ECE1: variants seen among roughly 807,000 people sequenced by gnomAD.
ECE1 encodes the protein endothelin-converting enzyme 1.
Under a neutral mutation model 98.6 loss-of-function variants are expected in ECE1, and 35 were observed. The ratio of observed to expected loss-of-function variants is 0.35; its 90% confidence interval spans 0.27 to 0.47. ECE1 has a LOEUF of 0.47. Among genes scored for constraint, ECE1 ranks in the 20% least tolerant of loss-of-function variants. The pLI is 1.00. For synonymous variants in ECE1, 394 were observed against 407.1 expected, an observed-to-expected ratio of 0.97 and a Z score of 0.39; for missense variants, 814 against 1,025.3, an observed-to-expected ratio of 0.79 and a Z score of 2.81.
At position 21,345,487 on chromosome 1, in the gene ECE1, G is replaced by C. The variant is rs980757518; in HGVS notation, c.-109C>G. 4 of 1,054,712 alleles carry C rather than the reference G, an allele frequency of 3.8e-6. No individual in the cohort carries two copies. Among genetic ancestry groups the C allele is most frequent in the African/African-American group, 3.3e-5 (2 of 60,020 alleles). The allele number at this position is 1,054,712 out of a possible 1,614,324, so 65.3% of individuals were successfully genotyped here. On this transcript the variant is annotated 5_prime_UTR_variant, in exon 1 of 19. Coordinates refer to the ECE1 transcript ENST00000415912. The surrounding 1 kb of genome is among the most constrained non-coding windows in gnomAD (Gnocchi z 5.1). Reference sequence around the variant, plus strand: ...AGCTGCTCGGACGGCTCGGCTGCCTGGCCCAGGCGGCGCGCTCAGCTCCAG... The same window carrying C: ...AGCTGCTCGGACGGCTCGGCTGCCTCGCCCAGGCGGCGCGCTCAGCTCCAG...
At chr1:21,242,088 C>A (rs928957647) in intron 10 of ECE1, among the ~76,000 whole-genome samples, 1 of 152,172 alleles carries the variant, frequency 6.6e-6, no homozygotes, top group African/African-American at 2.4e-5. Context: ...CTGCATGCAG[C>A]GCTTGAGCAG....
At position 21,260,500 on chromosome 1, in the gene ECE1, T is replaced by A. The variant is rs1179944677; in HGVS notation, c.494-108A>T. 11 of 1,365,258 alleles carry A rather than the reference T, an allele frequency of 8.1e-6. No individual in the cohort carries two copies. Among genetic ancestry groups the A allele is most frequent in the East Asian group, 4.6e-5 (2 of 43,680 alleles). The allele number at this position is 1,365,258 out of a possible 1,614,324, so 84.6% of individuals were successfully genotyped here. ...TTGGTGTTCTCAGCTGCAAAGGAGC[T>A]CTGACATCTGCCTGTCGGAGTGGCA... On this transcript the variant is annotated intron_variant, in intron 4 of 18. Coordinates refer to ENST00000374893, the MANE Select transcript of ECE1 (RefSeq NM_001397.3). This position sits in a 1 kb window ranked among gnomAD's most constrained non-coding sequence, Gnocchi z 4.3.
rs558826269 is a variant in ECE1 at position 21,227,843 on chromosome 1, T to A, written c.1781+88A>T. 2,824 of 1,059,084 alleles carry A rather than the reference T, an allele frequency of 2.7e-3. 12 individuals carry two copies. Among genetic ancestry groups the A allele is most frequent in the Admixed American group, 4.1e-3 (177 of 42,654 alleles). 65.6% of individuals were successfully genotyped at this position (1,059,084 alleles called of 1,614,324 possible). On this transcript the variant is annotated intron_variant, in intron 15 of 18. Transcript: ENST00000374893. ...GCAACCTGAAGCACTGGGGCAAAGA[T>A]CACATGGTGAGACTGGCTTAGGTCG...
rs548695494 is a variant in ECE1 at position 21,344,107 on chromosome 1, G to C, written c.3+1269C>G. The stretch of plus-strand genomic sequence containing the variant: ...ATTCCACCACTTCTGACTCTAGTGA[G>C]GCAACTGGCGGTGCCTAAGCAAAGA... On this transcript the variant is annotated intron_variant, in intron 1 of 18. Transcript: ENST00000415912. 7.2e-5 allele frequency among the ~76,000 whole-genome samples: 11 copies of C among 152,288 alleles called. No individual in the cohort carries two copies. In the South Asian group the frequency reaches 2.3e-3, roughly 32 times the overall value.
rs2103420789 is a variant in ECE1 at position 21,340,838 on chromosome 1, TA to T, written c.3+4537del. On this transcript the variant is annotated intron_variant, in intron 1 of 18. Transcript: ENST00000415912. This position sits in a 1 kb window ranked among gnomAD's most constrained non-coding sequence, Gnocchi z 4.6. Reference sequence around the variant, plus strand: ...CAGAGCAAGACTATGTCTCAATAAATAAGTAAATTAATTAAATTTAAAAAAT... The same window carrying T: ...CAGAGCAAGACTATGTCTCAATAAATAGTAAATTAATTAAATTTAAAAAAT... Among the ~76,000 whole-genome samples the T allele has an allele frequency of 1.3e-5, 2 of 152,158 alleles. No homozygotes were observed. Among genetic ancestry groups the T allele is most frequent in the East Asian group, 3.9e-4 (2 of 5,172 alleles).
intron 1 of ECE1, among the ~76,000 whole-genome samples, chr1:21,297,158 C>T (rs550238618): frequency 1.3e-5 from 2 of 152,348 alleles, no homozygotes; most frequent in East Asian, 1.9e-4. Context: ...ACACACACAG[C>T]GCTGGGAAGC....
At position 21,238,206 on chromosome 1, in the gene ECE1, T is replaced by C; in HGVS notation, c.1317A>G (p.Thr439=). Reference sequence around the variant, plus strand: ...CCAACGCAAAGCCCAGGTTGTTTTCTGTGTCACTCACGCAAAACTTCCAGC... The same window carrying C: ...CCAACGCAAAGCCCAGGTTGTTTTCCGTGTCACTCACGCAAAACTTCCAGC... ...LPRWKFCVSD[T]ENNLGFALGP... Residue 439 remains threonine (T), a synonymous_variant, in exon 11 of 19, where the codon ACA becomes ACG. Coordinates refer to ENST00000374893, the MANE Select transcript of ECE1 (RefSeq NM_001397.3). 4 of 1,614,270 alleles carry C rather than the reference T, an allele frequency of 2.5e-6. No individual in the cohort carries two copies. Among genetic ancestry groups the C allele is most frequent in the Non-Finnish European group, 2.5e-6 (3 of 1,180,046 alleles).
chr1:21,253,703 C>T (rs578069182), intron 8 of ECE1, among the ~76,000 whole-genome samples: 3 of 147,580 alleles, frequency 2.0e-5, no homozygotes, highest in African/African-American at 7.6e-5. Flanking sequence ...GTGGAGCTTG[C>T]AGAGAGCCGA....
rs763305486 is a variant in ECE1, at chr1:21,258,726, G to T, written c.729C>A (p.Ala243=). 10 of 1,614,152 alleles carry T rather than the reference G, an allele frequency of 6.2e-6. No homozygotes were observed. The South Asian group carries it at 1.1e-4, about 18-fold the overall frequency. ...TSPFFSVYVS[A]DSKNSNSNVI... ...CGTTGCTGTTGGAGTTCTTGGAATCGGCACTGACATAGACAGAGAAGAAGG... is the reference window on the plus strand; with the variant it reads ...CGTTGCTGTTGGAGTTCTTGGAATCTGCACTGACATAGACAGAGAAGAAGG... The change falls in exon 6 of 19, where the codon GCC becomes GCA. Residue 243 remains alanine (A), a synonymous_variant. Transcript: ENST00000374893. This position sits in a 1 kb window ranked among gnomAD's most constrained non-coding sequence, Gnocchi z 4.2.
chr1:21,264,976 G>A (rs550742647), intron 4 of ECE1, among the ~76,000 whole-genome samples: 1 of 152,138 alleles, frequency 6.6e-6, no homozygotes, highest in East Asian at 1.9e-4. Context: ...AGCTACAATC[G>A]CCTCTTCCCT....
chr1:21,269,323 A>G (rs1178914110), intron 4 of ECE1, among the ~76,000 whole-genome samples: 6 of 152,240 alleles, frequency 3.9e-5, no homozygotes, highest in Admixed American at 3.9e-4. Context: ...TGAGAATTCA[A>G]TGAAATAATA....
At chr1:21,315,842 T>C (rs1638819950) in intron 1 of ECE1, among the ~76,000 whole-genome samples, 1 of 150,254 alleles carries the variant, frequency 6.7e-6, no homozygotes, top group South Asian at 2.1e-4. Flanking sequence ...TATTCTAGGA[T>C]TCTAGGGCTC....
chr1:21,236,724 C>A, intron 12 of ECE1, 22 bp downstream of exon 12: 1 of 1,612,784 alleles, frequency 6.2e-7, no homozygotes, highest in Non-Finnish European at 8.5e-7. Context: ...AGCACCCCCT[C>A]CAAGTGCCTG....
At chr1:21,342,739 C>T (rs149900811) in intron 1 of ECE1, among the ~76,000 whole-genome samples, 63 of 152,234 alleles carry the variant, frequency 4.1e-4, no homozygotes, top group Admixed American at 3.6e-3. Flanking sequence ...TTAAAAGCCG[C>T]GGAGCAGGAG....
chr1:21,243,400 TAAA>T (rs10596193), intron 10 of ECE1, among the ~76,000 whole-genome samples: 47,084 of 142,522 alleles, frequency 0.33, 7,741 homozygotes, highest in Non-Finnish European at 0.36. Flanking sequence ...ATAAATATAT[TAAA>T]AAAAAAAAAA....
rs992468156 is a variant in ECE1 at position 21,340,609 on chromosome 1, C to T, written c.3+4767G>A. Among the ~76,000 whole-genome samples, 24 of 152,242 alleles carry T rather than the reference C, an allele frequency of 1.6e-4. No individual in the cohort carries two copies. The highest frequency in any genetic ancestry group is 2.4e-4 in the Non-Finnish European group (16 of 68,004). On this transcript the variant is annotated intron_variant, in intron 1 of 18. Transcript: ENST00000415912. The surrounding 1 kb of genome is among the most constrained non-coding windows in gnomAD (Gnocchi z 4.6). The stretch of plus-strand genomic sequence containing the variant: ...ATCCCAGCACTGTGGGAGGCTGAGG[C>T]GGGTGGATCACTTGAGGTCAGCAGT...
At chr1:21,240,664 G>A (rs1039385258) in intron 10 of ECE1, among the ~76,000 whole-genome samples, 2 of 152,214 alleles carry the variant, frequency 1.3e-5, no homozygotes, top group Non-Finnish European at 2.9e-5. Flanking sequence ...CCATTTGGAT[G>A]CCTTGCCCTC....
Position 21,219,722 on chromosome 1 carries a change from C to T in ECE1, c.*233G>A. On this transcript the variant is annotated 3_prime_UTR_variant, in exon 19 of 19. Coordinates refer to ENST00000374893, the MANE Select transcript of ECE1 (RefSeq NM_001397.3). The surrounding 1 kb of genome is among the most constrained non-coding windows in gnomAD (Gnocchi z 4.5). The stretch of plus-strand genomic sequence containing the variant: ...GAGCCACCAGCCCAGCACCCGAATG[C>T]CTGCTGAAGGTGGCGCACACGTGTG... 1.7e-6 allele frequency: 1 copy of T among 581,912 alleles called. No individual in the cohort carries two copies. Among genetic ancestry groups the T allele is most frequent in the South Asian group, 1.9e-5 (1 of 51,346 alleles). The allele number at this position is 581,912 out of a possible 1,614,324, so 36.0% of individuals were successfully genotyped here.
intron 10 of ECE1, 86 bp from the exon 11 acceptor site, chr1:21,238,330 G>A (rs1327374370): frequency 9.3e-7 from 1 of 1,072,314 alleles, no homozygotes; most frequent in Non-Finnish European, 1.4e-6. Flanking sequence ...ACCATGTGGG[G>A]CCCATGCTTT....
Sources: gnomAD v4.1 joint callset for allele counts (sites outside exome capture counted in the v4.1 genomes callset) on GRCh38, gnomAD v4.1.1 for gene constraint, Gnocchi (gnomAD v3.1) non-coding constraint, MANE v1.5 for transcripts, NCBI Gene and HGNC (gene_info 2026-07-23, HGNC 2026-07-21) for gene names.